The following MARCHF8 variants were observed in gnomAD, a reference collection of about 807,000 sequenced individuals.
The protein encoded by MARCHF8 is membrane associated ring-CH-type finger 8, also known as E3 ubiquitin-protein ligase MARCHF8.
In MARCHF8, 40 loss-of-function variants were observed where a neutral mutation model predicts 51.6. That is an observed-to-expected ratio of 0.77 (90% CI 0.60 to 1.01). The LOEUF (loss-of-function observed/expected upper bound fraction) is 1.01, where lower values mean the gene tolerates loss of function less well. MARCHF8 is among the 50% of genes least tolerant of loss of function. The pLI, the probability that MARCHF8 is intolerant of heterozygous loss-of-function variation, is 0.00. For synonymous variants in MARCHF8, 263 were observed against 280.3 expected, an observed-to-expected ratio of 0.94 and a Z score of 0.62; for missense variants, 685 against 708.6, an observed-to-expected ratio of 0.97 and a Z score of 0.38.
chr10:45,578,207 T>C (rs1174095573), intron 1 of MARCHF8, among the ~76,000 whole-genome samples: 1 of 152,010 alleles, frequency 6.6e-6, no homozygotes, highest in Non-Finnish European at 1.5e-5. Context: ...ATAGTAACAA[T>C]ACTCCTCGAA....
intron 1 of MARCHF8, among the ~76,000 whole-genome samples, chr10:45,585,455 G>T (rs1474127955): frequency 2.0e-5 from 3 of 152,060 alleles, no homozygotes; most frequent in Admixed American, 6.6e-5. Context: ...ATCTCATACG[G>T]AATAAAAAAG....
intron 1 of MARCHF8, among the ~76,000 whole-genome samples, chr10:45,579,824 G>C (rs1190776743): frequency 6.6e-6 from 1 of 151,882 alleles, no homozygotes; most frequent in East Asian, 1.9e-4. Context: ...GACCAGCCTG[G>C]CCAACATGGT....
chr10:45,466,395 T>C (rs759050023), intron 3 of MARCHF8, among the ~76,000 whole-genome samples: 1 of 152,162 alleles, frequency 6.6e-6, no homozygotes, highest in Non-Finnish European at 1.5e-5. Context: ...CTGATCACGG[T>C]GTATTGCAGA....
intron 3 of MARCHF8, among the ~76,000 whole-genome samples, chr10:45,483,268 T>C (rs1166061103): frequency 6.6e-6 from 1 of 152,116 alleles, no homozygotes; most frequent in Non-Finnish European, 1.5e-5. Context: ...ATACAGAATA[T>C]GTAAGAAACT....
chr10:45,584,837 TG>T (rs1468008137), intron 1 of MARCHF8, among the ~76,000 whole-genome samples: 1 of 152,076 alleles, frequency 6.6e-6, no homozygotes, highest in Non-Finnish European at 1.5e-5. Flanking sequence ...GCTTTGAAGA[TG>T]AAGAAAGAAA....
chr10:45,556,811 C>T (rs2044256108), intron 1 of MARCHF8, among the ~76,000 whole-genome samples: 2 of 152,120 alleles, frequency 1.3e-5, no homozygotes, highest in South Asian at 4.1e-4. Context: ...GCTAAACCTT[C>T]CAAAACCCTA....
intron 2 of MARCHF8, among the ~76,000 whole-genome samples, chr10:45,514,165 A>G (rs779612143): frequency 4.6e-5 from 7 of 152,370 alleles, no homozygotes; most frequent in Non-Finnish European, 8.8e-5. Context: ...AACAAAGTAC[A>G]TCATTGAAAA....
At chr10:45,584,882 G>A (rs531697979) in intron 1 of MARCHF8, among the ~76,000 whole-genome samples, 59 of 152,322 alleles carry the variant, frequency 3.9e-4, no homozygotes, top group African/African-American at 1.3e-3. Flanking sequence ...ATGGCCTGTA[G>A]AAGCTGAGAA....
At chr10:45,579,346 T>G (rs536447472) in intron 1 of MARCHF8, among the ~76,000 whole-genome samples, 1 of 150,510 alleles carries the variant, frequency 6.6e-6, no homozygotes, top group African/African-American at 2.4e-5. Flanking sequence ...GCAAAAGACA[T>G]AACTAGAAAA....
At chr10:45,466,850 T>A (rs530792069) in intron 3 of MARCHF8, among the ~76,000 whole-genome samples, 2 of 152,244 alleles carry the variant, frequency 1.3e-5, no homozygotes, top group African/African-American at 4.8e-5. Context: ...AACGATTCCA[T>A]CCTTGCATGC....
intron 1 of MARCHF8, among the ~76,000 whole-genome samples, chr10:45,546,192 G>A (rs569467894): frequency 4.7e-5 from 7 of 149,526 alleles, no homozygotes; most frequent in Non-Finnish European, 4.4e-5. Context: ...ACAGGGTCTC[G>A]CTCTGTTGCC....
At chr10:45,479,326 CAAAG>C (rs2042843818) in intron 3 of MARCHF8, among the ~76,000 whole-genome samples, 1 of 152,038 alleles carries the variant, frequency 6.6e-6, no homozygotes, top group African/African-American at 2.4e-5. Flanking sequence ...ACAAACTAGG[CAAAG>C]AAAGAAATAC....
At chr10:45,461,470 CTTCAGTGGCAGG>C in intron 5 of MARCHF8, 59 bp from the exon 6 acceptor site, 7 of 1,390,950 alleles carry the variant, frequency 5.0e-6, no homozygotes, top group Non-Finnish European at 5.7e-6. Context: ...GAAGCTGACA[CTTCAGTGGCAGG>C]TTAATCCCCC....
chr10:45,516,740 G>C (rs545053475), intron 2 of MARCHF8, among the ~76,000 whole-genome samples: 2 of 152,156 alleles, frequency 1.3e-5, no homozygotes, highest in Admixed American at 6.5e-5. Flanking sequence ...CTCCAGCCTG[G>C]GTAACAGAAC....
intron 3 of MARCHF8, 75 bp downstream of exon 3, chr10:45,489,290 AAG>A (rs112733705): frequency 8.0e-6 from 9 of 1,126,032 alleles, no homozygotes; most frequent in African/African-American, 1.6e-5. Context: ...AAAAAAAAAA[AAG>A]AGTATAAACA....
At chr10:45,563,714 T>C (rs1040358760) in intron 1 of MARCHF8, among the ~76,000 whole-genome samples, 18 of 152,144 alleles carry the variant, frequency 1.2e-4, no homozygotes, top group Admixed American at 2.0e-4. Flanking sequence ...TCTATGTAAA[T>C]GAATTAAACT....
chr10:45,499,626 T>C (rs916283679), intron 2 of MARCHF8, among the ~76,000 whole-genome samples: 1 of 152,176 alleles, frequency 6.6e-6, no homozygotes, highest in Non-Finnish European at 1.5e-5. Context: ...GGTCCAATTG[T>C]ATTCTTTTGC....
Position 45,463,209 on chromosome 10 carries a change from GAGA to G in MARCHF8, c.1027_1029del (p.Ser343del), listed in dbSNP as rs902081047. ...ATGGGGGGTAATTTTTCAGAGAAGGGAGAAGGACAATCCAGGTCGCTGTCCTTT... is the reference window on the plus strand; with the variant it reads ...ATGGGGGGTAATTTTTCAGAGAAGGGAGGACAATCCAGGTCGCTGTCCTTT... On this transcript the variant is annotated inframe_deletion, in exon 5 of 8. Coordinates refer to ENST00000453424, the MANE Select transcript of MARCHF8 (RefSeq NM_001282866.2). The G allele has an allele frequency of 9.0e-6, 14 of 1,550,628 alleles. No homozygotes were observed. The highest frequency in any genetic ancestry group is 5.9e-5 in the Admixed American group (3 of 50,988).
chr10:45,496,938 A>G (rs2043184541), intron 2 of MARCHF8, among the ~76,000 whole-genome samples: 1 of 152,168 alleles, frequency 6.6e-6, no homozygotes, highest in Non-Finnish European at 1.5e-5. Context: ...CAAGACACAT[A>G]GAAAACAAAA....
Sources: gnomAD v4.1 joint callset for allele counts (sites outside exome capture counted in the v4.1 genomes callset) on GRCh38, gnomAD v4.1.1 for gene constraint, MANE v1.5 for transcripts, NCBI Gene and HGNC (gene_info 2026-07-23, HGNC 2026-07-21) for gene names.